Variants in BRCC3 observed in about 807,000 individuals in gnomAD.
BRCC3 encodes BRCA1/BRCA2-containing complex subunit 3.
In BRCC3, 15 loss-of-function variants were observed where a neutral mutation model predicts 28.0. The observed-to-expected ratio is 0.54, with a 90% confidence interval of 0.36 to 0.82. The LOEUF (loss-of-function observed/expected upper bound fraction) is 0.82. Among genes scored for constraint, BRCC3 ranks in the 40% least tolerant of loss-of-function variants. The pLI, the probability that BRCC3 is intolerant of heterozygous loss-of-function variation, is 0.01. For synonymous variants in BRCC3, 66 were observed against 80.3 expected, an observed-to-expected ratio of 0.82 and a Z score of 0.95; for missense variants, 109 against 225.9, an observed-to-expected ratio of 0.48 and a Z score of 3.32.
At chrX:155,088,181 G>T (rs1311935574) in intron 5 of BRCC3, among the ~76,000 whole-genome samples, 2 of 111,471 alleles carry the variant, frequency 1.8e-5, no homozygotes, top group Non-Finnish European at 3.8e-5. Flanking sequence ...TCAAAATCTA[G>T]ATCAAAAAGG....
chrX:155,102,993 C>T (rs5945301), intron 7 of BRCC3, among the ~76,000 whole-genome samples: 31,474 of 109,779 alleles, frequency 0.29, 3,517 homozygotes, highest in African/African-American at 0.39. Context: ...CCAGACACAG[C>T]CAAATGTTTT....
chrX:155,088,632 C>T (rs368414017), intron 5 of BRCC3, among the ~76,000 whole-genome samples: 2 of 111,724 alleles, frequency 1.8e-5, no homozygotes, highest in East Asian at 5.6e-4. Context: ...GGATTACAGG[C>T]AAGAGCCACC....
intron 7 of BRCC3, chrX:155,099,264 C>G: frequency 8.4e-7 from 1 of 1,186,971 alleles, no homozygotes; most frequent in Non-Finnish European, 1.1e-6. Flanking sequence ...ATCAGGGACC[C>G]AGACTCCTCT....
At chrX:155,072,625 G>T (rs782092683) in intron 2 of BRCC3, among the ~76,000 whole-genome samples, 1 of 111,162 alleles carries the variant, frequency 9.0e-6, no homozygotes. Context: ...GCAGTGGCGC[G>T]ATCTCTGCTC....
At chrX:155,090,507 G>C (rs782387677) in intron 6 of BRCC3, among the ~76,000 whole-genome samples, 47 of 112,046 alleles carry the variant, frequency 4.2e-4, no homozygotes, top group African/African-American at 1.5e-3. Flanking sequence ...TGTTGAATAA[G>C]TTTGTCAGCT....
At chrX:155,103,113 G>C (rs1557297065) in intron 7 of BRCC3, among the ~76,000 whole-genome samples, 1 of 112,582 alleles carries the variant, frequency 8.9e-6, no homozygotes, top group Non-Finnish European at 1.9e-5. Context: ...CGTAGTATAA[G>C]AATCTTGCAA....
Position 155,073,453 on chromosome X carries a change from A to T in BRCC3, c.195+22A>T, listed in dbSNP as rs376792067. ...AAAGGTATGTGTGCTAAAATTTTGC[A>T]TGATGGAAACTTGCAGTTGGGGAAA... On this transcript the variant is annotated intron_variant, in intron 3 of 10. Transcript: ENST00000330045. The T allele has an allele frequency of 2.2e-5, 26 of 1,162,886 alleles. No individual in the cohort carries two copies. The African/African-American group carries it at 3.3e-4, about 15-fold the overall frequency.
chrX:155,113,483 C>T (rs782803469), intron 7 of BRCC3, among the ~76,000 whole-genome samples: 8 of 110,655 alleles, frequency 7.2e-5, no homozygotes, highest in East Asian at 2.8e-4. Flanking sequence ...TATCTTACAC[C>T]GTATATAAAA....
At chrX:155,113,119 C>CTTTTTTTTTTT (rs35621321) in intron 7 of BRCC3, among the ~76,000 whole-genome samples, 1 of 30,811 alleles carries the variant, frequency 3.2e-5, no homozygotes, top group Non-Finnish European at 5.2e-5. Context: ...GGCTTGCTTG[C>CTTTTTTTTTTT]TTTTTTTTTT....
chrX:155,086,756 C>G (rs1383812580), intron 5 of BRCC3, among the ~76,000 whole-genome samples: 1 of 111,969 alleles, frequency 8.9e-6, no homozygotes, highest in African/African-American at 3.2e-5. Flanking sequence ...TAGTGTTGGC[C>G]AAATAATCGG....
chrX:155,107,984 A>C (rs1201603674), intron 7 of BRCC3, among the ~76,000 whole-genome samples: 1 of 111,792 alleles, frequency 8.9e-6, no homozygotes, highest in Non-Finnish European at 1.9e-5. Flanking sequence ...ACAAAATGAA[A>C]ACACCTATGC....
chrX:155,106,786 A>G (rs2074287777), intron 7 of BRCC3, among the ~76,000 whole-genome samples: 2 of 112,206 alleles, frequency 1.8e-5, no homozygotes, highest in African/African-American at 6.5e-5. Context: ...TATGAAATCA[A>G]CTAGGCCTTT....
intron 3 of BRCC3, among the ~76,000 whole-genome samples, chrX:155,075,296 GGCCCTTCTTGTTCTTCCCC>G (rs2074027119): frequency 8.9e-6 from 1 of 111,785 alleles, no homozygotes; most frequent in African/African-American, 3.3e-5. Flanking sequence ...TCTTTCCCCT[GGCCCTTCTTGTTCTTCCCC>G]ACACTAAATG....
chrX:155,113,036 A>T (rs1479979817), intron 7 of BRCC3, among the ~76,000 whole-genome samples: 4 of 110,003 alleles, frequency 3.6e-5, no homozygotes, highest in African/African-American at 1.3e-4. Context: ...GATTGGATAA[A>T]TTAATATTGT....
intron 7 of BRCC3, among the ~76,000 whole-genome samples, chrX:155,092,417 G>A (rs1275344610): frequency 9.0e-6 from 1 of 111,522 alleles, no homozygotes; most frequent in Non-Finnish European, 1.9e-5. Flanking sequence ...AACCATAATT[G>A]CATTTTCTGT....
chrX:155,117,712 T>C (rs782161509), intron 9 of BRCC3, among the ~76,000 whole-genome samples: 1 of 111,712 alleles, frequency 9.0e-6, no homozygotes, highest in Non-Finnish European at 1.9e-5. Context: ...AGTCCAGAGA[T>C]AGGCCTATGT....
At chrX:155,085,152 C>T (rs1468502410) in intron 5 of BRCC3, among the ~76,000 whole-genome samples, 1 of 112,395 alleles carries the variant, frequency 8.9e-6, no homozygotes, top group East Asian at 2.8e-4. Flanking sequence ...AGGCCTATTT[C>T]TGAAATGTTT....
intron 5 of BRCC3, among the ~76,000 whole-genome samples, chrX:155,082,576 C>G (rs2074092298): frequency 8.9e-6 from 1 of 112,550 alleles, no homozygotes; most frequent in Non-Finnish European, 1.9e-5. Flanking sequence ...CCCTCCCTCT[C>G]CAACATACAC....
intron 9 of BRCC3, 122 bp from the exon 10 acceptor site, chrX:155,119,877 C>A: frequency 1.8e-6 from 1 of 566,268 alleles, no homozygotes; most frequent in Non-Finnish European, 2.7e-6. Flanking sequence ...ACTTTTTCTA[C>A]TTCCTTCTCC....
Sources: gnomAD v4.1 joint callset for allele counts (sites outside exome capture counted in the v4.1 genomes callset) on GRCh38, gnomAD v4.1.1 for gene constraint, MANE v1.5 for transcripts, NCBI Gene and HGNC (gene_info 2026-07-23, HGNC 2026-07-21) for gene names.